CAPN2: variants seen among roughly 807,000 people sequenced by gnomAD.
CAPN2 encodes the protein calpain-2 catalytic subunit.
Under a neutral mutation model 102.3 loss-of-function variants are expected in CAPN2, and 92 were observed. The ratio of observed to expected loss-of-function variants is 0.90; its 90% CI spans 0.76 to 1.07. The LOEUF is 1.07. Among genes scored for constraint, CAPN2 ranks in the 50% least tolerant of loss-of-function variants. The pLI is 0.00. For synonymous variants in CAPN2, 340 were observed against 355.4 expected, an observed-to-expected ratio of 0.96 and a Z score of 0.49; for missense variants, 800 against 909.4, an observed-to-expected ratio of 0.88 and a Z score of 1.55.
Position 223,764,098 on chromosome 1 carries a change from C to T in CAPN2, c.1633-52C>T, listed in dbSNP as rs1187540299. On this transcript the variant is annotated intron_variant, in intron 14 of 20. Transcript: ENST00000295006. ...ATGCACTGGTGTCCTGCCCTGTGCT[C>T]ATCCAGCTCCCACGGGGGGCCAATA... 13 of 1,445,754 alleles carry T rather than the reference C, an allele frequency of 9.0e-6. No homozygotes were observed. In the African/African-American group the frequency reaches 1.7e-4, roughly 19 times the overall value. The allele number at this position is 1,445,754 out of a possible 1,614,324, so 89.6% of individuals were successfully genotyped here. A position where few individuals can be genotyped will look rare whatever the true frequency, so the allele number is the denominator to read the frequency against.
Position 223,720,975 on chromosome 1 carries a change from C to T in CAPN2, c.307+3144C>T, listed in dbSNP as rs73121389. On this transcript the variant is annotated intron_variant, in intron 2 of 20. Transcript: ENST00000295006. ...TTTCTACCCTGAGCCTTACTCAGTT[C>T]CCCCAGGGAACTTGGGCAGGTGACA... 4.1e-3 allele frequency among the ~76,000 whole-genome samples: 626 copies of T among 152,268 alleles called. 3 individuals are homozygous for T. Among genetic ancestry groups the T allele is most frequent in the African/African-American group, 0.014 (569 of 41,552 alleles).
intron 1 of CAPN2, chr1:223,701,970 G>A (rs1571769604): frequency 7.5e-6 from 1 of 132,842 alleles, no homozygotes; most frequent in East Asian, 2.3e-4. Context: ...TCGTGTCACT[G>A]CACTCCATTC....
chr1:223,758,765 C>T (rs1352974233), intron 11 of CAPN2: 1 of 183,568 alleles, frequency 5.4e-6, no homozygotes, highest in African/African-American at 2.4e-5. Flanking sequence ...GATCATAGCT[C>T]ACTGCCGTCC....
chr1:223,736,309 G>T (rs762869468), intron 2 of CAPN2, among the ~76,000 whole-genome samples: 3 of 152,184 alleles, frequency 2.0e-5, no homozygotes, highest in Non-Finnish European at 4.4e-5. Flanking sequence ...GCAGTCAAGC[G>T]CCTAGAAGCC....
Position 223,755,433 on chromosome 1 carries a change from T to A in CAPN2, c.1136-47T>A. 1 of 1,601,228 alleles carries A rather than the reference T, an allele frequency of 6.2e-7. No homozygotes were observed. Among genetic ancestry groups the A allele is most frequent in the Non-Finnish European group, 8.5e-7 (1 of 1,170,978 alleles). The stretch of plus-strand genomic sequence containing the variant: ...AGACCAGGGCCACCCCCCACCCCCA[T>A]GCATTCCTGCTCAGGGCTGGGCTCC... On this transcript the variant is annotated intron_variant, in intron 9 of 20. Transcript: ENST00000295006. This position sits in a 1 kb window ranked among gnomAD's most constrained non-coding sequence, Gnocchi z 4.1.
At chr1:223,713,428 A>C (rs549699771) in intron 1 of CAPN2, among the ~76,000 whole-genome samples, 12 of 152,142 alleles carry the variant, frequency 7.9e-5, no homozygotes, top group Non-Finnish European at 1.3e-4. Flanking sequence ...ATACCTCCTC[A>C]TAACATTGAC....
intron 2 of CAPN2, among the ~76,000 whole-genome samples, chr1:223,719,443 G>A (rs565119933): frequency 1.2e-4 from 19 of 152,244 alleles, no homozygotes; most frequent in African/African-American, 3.9e-4. Flanking sequence ...GAAGGCTGAG[G>A]CAGGAGAATT....
Position 223,759,176 on chromosome 1 carries a change from C to A in CAPN2, c.1318-94C>A. The A allele has an allele frequency of 8.3e-7, 1 of 1,206,622 alleles. No individual in the cohort carries two copies. The highest frequency in any genetic ancestry group is 1.2e-6 in the Non-Finnish European group (1 of 823,402). The allele number at this position is 1,206,622 out of a possible 1,614,324, so 74.7% of individuals were successfully genotyped here. On this transcript the variant is annotated intron_variant, in intron 11 of 20. Transcript: ENST00000295006. The surrounding 1 kb of genome is among the most constrained non-coding windows in gnomAD (Gnocchi z 4.6). ...CCAGGACAGCAGGACTGAGCCACCA[C>A]ACTACCCAACTGCTTTTATCTCAGT...
At chr1:223,715,820 T>C (rs1341949114) in intron 1 of CAPN2, among the ~76,000 whole-genome samples, 1 of 152,220 alleles carries the variant, frequency 6.6e-6, no homozygotes, top group African/African-American at 2.4e-5. Context: ...CAAACCCATA[T>C]GTCCTGTCTC....
chr1:223,714,194 T>C (rs989281067), intron 1 of CAPN2, among the ~76,000 whole-genome samples: 6 of 152,238 alleles, frequency 3.9e-5, no homozygotes, highest in African/African-American at 1.2e-4. Flanking sequence ...TGTCACAGTT[T>C]AGAATATAAT....
chr1:223,740,114 A>T (rs2102792325), intron 2 of CAPN2, among the ~76,000 whole-genome samples: 1 of 152,290 alleles, frequency 6.6e-6, no homozygotes, highest in East Asian at 1.9e-4. Context: ...GATGGGACTA[A>T]GTCTACAACT....
chr1:223,723,511 C>T (rs1023477754), intron 2 of CAPN2, among the ~76,000 whole-genome samples: 4 of 152,232 alleles, frequency 2.6e-5, no homozygotes, highest in East Asian at 3.9e-4. Context: ...TGTCCATGGG[C>T]CATCATGTCC....
intron 19 of CAPN2, 39 bp downstream of exon 19, chr1:223,771,964 T>C (rs1661487970): frequency 1.4e-6 from 2 of 1,450,120 alleles, no homozygotes; most frequent in African/African-American, 2.8e-5. Flanking sequence ...TTCAGTTCTC[T>C]TGGTATTAAA....
chr1:223,762,305 C>A (rs771565580), intron 14 of CAPN2, 54 bp downstream of exon 14: 2 of 1,374,162 alleles, frequency 1.5e-6, no homozygotes, highest in Non-Finnish European at 1.0e-6. Context: ...AAGGAAGAGA[C>A]AGTGTGTGTC....
rs1319001688 is a variant in CAPN2 at position 223,726,640 on chromosome 1, A to G, written c.307+8809A>G. Among the ~76,000 whole-genome samples the G allele has an allele frequency of 6.6e-6, 1 of 152,178 alleles. No homozygotes were observed. The highest frequency in any genetic ancestry group is 1.5e-5 in the Non-Finnish European group (1 of 68,028). ...AGAAGGGAAAGGAAAGGCCTGGGAC[A>G]CGTGGTTTGGATCACTGGCTGTGGC... On this transcript the variant is annotated intron_variant, in intron 2 of 20. Coordinates refer to ENST00000295006, the MANE Select transcript of CAPN2 (RefSeq NM_001748.5). The surrounding 1 kb of genome is among the most constrained non-coding windows in gnomAD (Gnocchi z 4.4).
Position 223,754,940 on chromosome 1 carries a change from AC to A in CAPN2, c.1136-537del, listed in dbSNP as rs1660993962. Among the ~76,000 whole-genome samples the A allele has an allele frequency of 6.6e-6, 1 of 152,068 alleles. No homozygotes were observed. Among genetic ancestry groups the A allele is most frequent in the African/African-American group, 2.4e-5 (1 of 41,406 alleles). On this transcript the variant is annotated intron_variant, in intron 9 of 20. Coordinates refer to ENST00000295006, the MANE Select transcript of CAPN2 (RefSeq NM_001748.5). This position sits in a 1 kb window ranked among gnomAD's most constrained non-coding sequence, Gnocchi z 4.7. The stretch of plus-strand genomic sequence containing the variant: ...ATGAGGGGAAGCCACAGCTCTAACC[AC>A]CCTGCGTTCCAGAGTGACAGACCAG...
chr1:223,752,059 A>G lies in CAPN2; in HGVS notation c.962A>G (p.Asp321Gly). The stretch of plus-strand genomic sequence containing the variant: ...GAAAGGCTGACCAGACGGCATGAAG[A>G]TGGAGAATTCTGGTAAGATTAGTGG... ...ERERLTRRHE[D>G]GEFWMSFSDF... Residue 321 changes from aspartate to glycine, a missense_variant, in exon 8 of 21, where the codon GAT (aspartate) becomes GGT (glycine). Asp to Gly is a moderately conservative substitution (Grantham distance 94). Transcript: ENST00000295006. 6.2e-7 allele frequency: 1 copy of G among 1,611,622 alleles called. No homozygotes were observed. Among genetic ancestry groups the G allele is most frequent in the Non-Finnish European group, 8.5e-7 (1 of 1,177,732 alleles).
chr1:223,773,741 C>G (rs187767831), intron 20 of CAPN2, among the ~76,000 whole-genome samples: 1 of 151,752 alleles, frequency 6.6e-6, no homozygotes, highest in African/African-American at 2.4e-5. Flanking sequence ...CCTGTAAATA[C>G]GTTACTCTGG....
chr1:223,759,222 T>G lies in CAPN2; in HGVS notation c.1318-48T>G, dbSNP rs1167953929. On this transcript the variant is annotated intron_variant, in intron 11 of 20. Coordinates refer to ENST00000295006, the MANE Select transcript of CAPN2 (RefSeq NM_001748.5). The surrounding 1 kb of genome is among the most constrained non-coding windows in gnomAD (Gnocchi z 4.6). The stretch of plus-strand genomic sequence containing the variant: ...TCAGTGAATGAAAATGATACTTGCC[T>G]GGAGGCTTCCCCTCATCTACCCCCA... 1.3e-6 allele frequency: 2 copies of G among 1,526,972 alleles called. No individual in the cohort carries two copies. Among genetic ancestry groups the G allele is most frequent in the East Asian group, 4.5e-5 (2 of 44,460 alleles). The allele number at this position is 1,526,972 out of a possible 1,614,324, so 94.6% of individuals were successfully genotyped here. A position where few individuals can be genotyped will look rare whatever the true frequency, so the allele number is the denominator to read the frequency against.
Sources: allele counts gnomAD v4.1 joint callset (sites outside exome capture counted in the v4.1 genomes callset), GRCh38; gene constraint gnomAD v4.1.1; non-coding constraint Gnocchi (gnomAD v3.1); transcripts MANE v1.5; gene names NCBI Gene and HGNC (gene_info 2026-07-23, HGNC 2026-07-21).